Variants in PDZK1 observed in about 807,000 individuals in gnomAD.
PDZK1 encodes PDZ domain containing 1, also known as Na(+)/H(+) exchange regulatory cofactor NHE-RF3.
PDZK1 carries 23 observed loss-of-function variants against 38.1 expected under a neutral mutation model. The ratio of observed to expected loss-of-function variants is 0.60; its 90% CI spans 0.43 to 0.85. The LOEUF is 0.85. PDZK1 is among the 40% of genes least tolerant of loss of function. The probability of loss-of-function intolerance (pLI) is 0.00; values close to 1 mark genes in which losing one functional copy is unlikely to be tolerated. For synonymous variants in PDZK1, 98 were observed against 186.2 expected (o/e 0.53, Z 3.86); for missense variants, 297 against 504.3 (o/e 0.59, Z 3.94).
chr1:145,678,743 T>TA (rs1159615411), intron 5 of PDZK1, 98 bp from the exon 6 acceptor site: 5 of 596,206 alleles, frequency 8.4e-6, no homozygotes, highest in African/African-American at 8.2e-5. Context: ...ATGAAACAGA[T>TA]AAAAAAGGCA....
chr1:145,693,760 C>T (rs1275355333), intron 1 of PDZK1, among the ~76,000 whole-genome samples: 71 of 148,562 alleles, frequency 4.8e-4, no homozygotes, highest in African/African-American at 1.7e-3. Context: ...GGTGACAGAG[C>T]GAGACTCCAC....
At chr1:145,706,592 A>G (rs1400619973) in intron 1 of PDZK1, among the ~76,000 whole-genome samples, 1 of 152,190 alleles carries the variant, frequency 6.6e-6, no homozygotes, top group Non-Finnish European at 1.5e-5. Flanking sequence ...GTGAACCCTT[A>G]GGTAAGTGTC....
intron 1 of PDZK1, among the ~76,000 whole-genome samples, chr1:145,705,918 TTTA>T (rs1165170487): frequency 1.3e-5 from 2 of 151,942 alleles, no homozygotes; most frequent in African/African-American, 4.8e-5. Flanking sequence ...GCAGGATTAA[TTTA>T]TTATTATTTT....
In PDZK1 at chr1:145,673,871, G is replaced by GA. The variant is rs782322630; in HGVS notation, c.1000dup (p.Ser334PhefsTer42). The GA allele has an allele frequency of 2.5e-4, 382 of 1,541,230 alleles. 1 individual carries two copies. The highest frequency in any genetic ancestry group is 7.8e-5 in the Non-Finnish European group (88 of 1,124,796). ...TTGACTTTGATAGTAGAGAAATGGA[G>GA]AAAAATGAGCCTTTTGAAAAATAAA... On this transcript the variant is annotated frameshift_variant, in exon 7 of 9. Coordinates refer to ENST00000417171, the MANE Select transcript of PDZK1 (RefSeq NM_001201325.2). LOFTEE classifies it high-confidence loss of function.
chr1:145,674,364 G>C lies in PDZK1; in HGVS notation c.991-483C>G, dbSNP rs1207069640. On this transcript the variant is annotated intron_variant, in intron 6 of 8. Coordinates refer to ENST00000417171, the MANE Select transcript of PDZK1 (RefSeq NM_001201325.2). Reference sequence around the variant, plus strand: ...AGAAAAAGTAAAACACAAGACACTTGTGATAGTTAATTTTAGATGCCAACT... The same window carrying C: ...AGAAAAAGTAAAACACAAGACACTTCTGATAGTTAATTTTAGATGCCAACT... 27 of 620,652 alleles carry C rather than the reference G, an allele frequency of 4.4e-5. 3 individuals are homozygous for C. Among genetic ancestry groups the C allele is most frequent in the African/African-American group, 4.0e-4 (20 of 50,262 alleles). The allele number at this position is 620,652 out of a possible 1,614,324, so 38.4% of individuals were successfully genotyped here.
rs782617746 is a variant in PDZK1 at position 145,705,418 on chromosome 1, G to A, written c.-3+1899C>T. On this transcript the variant is annotated intron_variant, in intron 1 of 8. Coordinates refer to ENST00000417171, the MANE Select transcript of PDZK1 (RefSeq NM_001201325.2). ...AATGAGATGATTTCTGATGGTACAC[G>A]CTGTGAATGATAGAGATACTGGTGG... Among the ~76,000 whole-genome samples, 20 of 152,186 alleles carry A rather than the reference G, an allele frequency of 1.3e-4. No homozygotes were observed. In the East Asian group the frequency reaches 1.4e-3, roughly 10 times the overall value.
At chr1:145,677,783 C>T (rs1653833785) in intron 6 of PDZK1, among the ~76,000 whole-genome samples, 1 of 148,362 alleles carries the variant, frequency 6.7e-6, no homozygotes, top group Admixed American at 6.7e-5. Flanking sequence ...ATTCTACTAT[C>T]ATTGTATATC....
intron 3 of PDZK1, among the ~76,000 whole-genome samples, chr1:145,683,381 C>T (rs1471510505): frequency 5.3e-5 from 8 of 152,202 alleles, no homozygotes; most frequent in Non-Finnish European, 1.5e-5. Flanking sequence ...TGTCATACGC[C>T]CTTTCTTTGC....
chr1:145,703,399 C>T (rs1553705264), intron 1 of PDZK1, among the ~76,000 whole-genome samples: 3 of 152,000 alleles, frequency 2.0e-5, no homozygotes, highest in Non-Finnish European at 4.4e-5. Flanking sequence ...TATTGAGCTC[C>T]CTACTAGGAT....
At position 145,686,513 on chromosome 1, in the gene PDZK1, C is replaced by A. The variant is rs1654786179; in HGVS notation, c.424G>T (p.Gly142Ter). The A allele has an allele frequency of 6.2e-7, 1 of 1,611,934 alleles. No homozygotes were observed. The highest frequency in any genetic ancestry group is 1.1e-5 in the South Asian group (1 of 90,994). ...QPRLCYLVKE[G>*]GSYGFSLKTV... Reference sequence around the variant, plus strand: ...TTCAGAGAGAAGCCATAGCTGCCTCCTTCCTTCACGAGATAGCAGAGCCGG... The same window carrying A: ...TTCAGAGAGAAGCCATAGCTGCCTCATTCCTTCACGAGATAGCAGAGCCGG... Residue 142 changes from glycine (G) to a stop codon, truncating the protein, a stop_gained, in exon 3 of 9, where the codon GGA becomes TGA. Coordinates refer to ENST00000417171, the MANE Select transcript of PDZK1 (RefSeq NM_001201325.2). LOFTEE classifies it high-confidence loss of function.
At chr1:145,698,414 G>A (rs1169188414) in intron 1 of PDZK1, among the ~76,000 whole-genome samples, 9 of 152,060 alleles carry the variant, frequency 5.9e-5, no homozygotes, top group African/African-American at 1.7e-4. Flanking sequence ...CCGAGCTGGC[G>A]GTGAACTAAG....
intron 1 of PDZK1, among the ~76,000 whole-genome samples, chr1:145,698,215 G>C (rs1351173438): frequency 1.3e-5 from 2 of 152,074 alleles, no homozygotes; most frequent in Non-Finnish European, 1.5e-5. Context: ...GGCCGAGAGG[G>C]GACGGAGGAA....
chr1:145,688,694 C>T (rs1482714647), intron 1 of PDZK1, among the ~76,000 whole-genome samples: 1 of 152,132 alleles, frequency 6.6e-6, no homozygotes, highest in Non-Finnish European at 1.5e-5. Context: ...GGCACAGTGG[C>T]TCACCCCTGT....
chr1:145,680,185 A>AT (rs1654096338), intron 5 of PDZK1, among the ~76,000 whole-genome samples: 1 of 152,138 alleles, frequency 6.6e-6, no homozygotes, highest in Admixed American at 6.5e-5. Flanking sequence ...TATCTACTAA[A>AT]TGGTAGACTC....
At chr1:145,706,973 C>G (rs74119446) in intron 1 of PDZK1, among the ~76,000 whole-genome samples, 4,766 of 152,088 alleles carry the variant, frequency 0.031, 232 homozygotes, top group African/African-American at 0.11. Flanking sequence ...GGCATATCCG[C>G]CTGGTTACCT....
At chr1:145,676,141 C>A (rs1553699202) in intron 6 of PDZK1, 4 of 978,912 alleles carry the variant, frequency 4.1e-6, no homozygotes, top group Non-Finnish European at 4.9e-6. Context: ...CCCTCCACCC[C>A]AACCTACAGG....
chr1:145,689,441 T>C (rs1655062288), intron 1 of PDZK1, among the ~76,000 whole-genome samples: 1 of 152,182 alleles, frequency 6.6e-6, no homozygotes, highest in Non-Finnish European at 1.5e-5. Context: ...GGCAAGGTCC[T>C]GAGCCATAGG....
At position 145,671,330 on chromosome 1, in the gene PDZK1, C is replaced by T. The variant is rs1559055813; in HGVS notation, c.*106G>A. Reference sequence around the variant, plus strand: ...AATGGTTTCCAGTGGAGTTTTTCTTCTAAAGAGACAGTAAACAGGTCACAA... The same window carrying T: ...AATGGTTTCCAGTGGAGTTTTTCTTTTAAAGAGACAGTAAACAGGTCACAA... On this transcript the variant is annotated 3_prime_UTR_variant, in exon 9 of 9. Coordinates refer to ENST00000417171, the MANE Select transcript of PDZK1 (RefSeq NM_001201325.2). 9.5e-6 allele frequency: 15 copies of T among 1,573,096 alleles called. No homozygotes were observed. The highest frequency in any genetic ancestry group is 1.3e-5 in the Non-Finnish European group (15 of 1,156,184).
At position 145,690,664 on chromosome 1, in the gene PDZK1, C is replaced by T. The variant is rs1553702959; in HGVS notation, c.-2-2641G>A. On this transcript the variant is annotated intron_variant, in intron 1 of 8. Coordinates refer to ENST00000417171, the MANE Select transcript of PDZK1 (RefSeq NM_001201325.2). ...TTCTAAGGCACTCACACCCAAGACT[C>T]AACAATCTCACGCCCTGCAGTGTCA... Among the ~76,000 whole-genome samples the T allele has an allele frequency of 2.0e-5, 3 of 152,182 alleles. No homozygotes were observed. In the East Asian group the frequency reaches 5.8e-4, roughly 29 times the overall value.
Sources: gnomAD v4.1 joint callset for allele counts (sites outside exome capture counted in the v4.1 genomes callset) on GRCh38, gnomAD v4.1.1 for gene constraint, MANE v1.5 for transcripts, NCBI Gene and HGNC (gene_info 2026-07-23, HGNC 2026-07-21) for gene names.